The following CPPED1 variants were observed in gnomAD, a reference collection of about 807,000 sequenced individuals.
CPPED1 encodes serine/threonine-protein phosphatase CPPED1.
Under a neutral mutation model 28.0 loss-of-function variants are expected in CPPED1, and 28 were observed. That is an observed-to-expected ratio of 1.00 (90% CI 0.74 to 1.37). CPPED1 has a LOEUF of 1.37. Among genes scored for constraint, CPPED1 ranks in the 40% most tolerant of loss-of-function variants. The pLI, the probability that CPPED1 is intolerant of heterozygous loss-of-function variation, is 0.00. For missense variants in CPPED1, 504 were observed against 416.5 expected, an observed-to-expected ratio of 1.21 and a Z score of -1.83; for synonymous variants, 198 against 180.2, an observed-to-expected ratio of 1.10 and a Z score of -0.79.
At position 12,664,658 on chromosome 16, in the gene CPPED1, T is replaced by A. The variant is rs1210758326; in HGVS notation, c.*228A>T. 13 of 1,366,646 alleles carry A rather than the reference T, an allele frequency of 9.5e-6. No individual in the cohort carries two copies. The highest frequency in any genetic ancestry group is 1.2e-5 in the Non-Finnish European group (13 of 1,068,550). 84.7% of individuals were successfully genotyped at this position (1,366,646 alleles called of 1,614,324 possible). On this transcript the variant is annotated 3_prime_UTR_variant, in exon 4 of 4. Coordinates refer to ENST00000381774, the MANE Select transcript of CPPED1 (RefSeq NM_018340.3). This position sits in a 1 kb window ranked among gnomAD's most constrained non-coding sequence, Gnocchi z 4.2. Reference sequence around the variant, plus strand: ...ATCCATGCAGAGATAGTCTAATATTTTAAAAACTGATTTCCAGGATCATTC... The same window carrying A: ...ATCCATGCAGAGATAGTCTAATATTATAAAAACTGATTTCCAGGATCATTC...
chr16:12,755,726 C>A (rs1338220048), intron 2 of CPPED1, among the ~76,000 whole-genome samples: 3 of 152,210 alleles, frequency 2.0e-5, no homozygotes, highest in African/African-American at 7.2e-5. Flanking sequence ...TAGACACATT[C>A]AGCAAATTTA....
At chr16:12,780,634 A>C (rs1227660983) in intron 2 of CPPED1, among the ~76,000 whole-genome samples, 1 of 152,002 alleles carries the variant, frequency 6.6e-6, no homozygotes, top group Non-Finnish European at 1.5e-5. Flanking sequence ...TGATGGAGAG[A>C]CCAAGTCCTT....
intron 2 of CPPED1, among the ~76,000 whole-genome samples, chr16:12,711,230 G>A (rs2080078285): frequency 6.6e-6 from 1 of 152,184 alleles, no homozygotes. Context: ...AATAAGTCAT[G>A]CAGAAAAAAC....
intron 3 of CPPED1, among the ~76,000 whole-genome samples, chr16:12,688,487 C>T (rs1434120785): frequency 2.6e-5 from 4 of 151,882 alleles, no homozygotes; most frequent in Non-Finnish European, 5.9e-5. Context: ...TACAGGCAGC[C>T]GCCACCACAC....
In CPPED1 at chr16:12,770,783, T is replaced by C. The variant is rs547099404; in HGVS notation, c.289+10402A>G. On this transcript the variant is annotated intron_variant, in intron 2 of 3. Transcript: ENST00000381774. Reference sequence around the variant, plus strand: ...GTTGCAGTGAGCCGAGATCGCGCCATTGCACTCCAGCCTGGGTGACAGAGT... The same window carrying C: ...GTTGCAGTGAGCCGAGATCGCGCCACTGCACTCCAGCCTGGGTGACAGAGT... 1.1e-4 allele frequency among the ~76,000 whole-genome samples: 17 copies of C among 150,522 alleles called. No homozygotes were observed. The East Asian group carries it at 2.4e-3, about 21-fold the overall frequency.
chr16:12,723,799 T>G (rs1481502881), intron 2 of CPPED1, among the ~76,000 whole-genome samples: 3 of 152,148 alleles, frequency 2.0e-5, no homozygotes, highest in Admixed American at 2.0e-4. Context: ...TTCTGCCAGC[T>G]GCCATGGGAT....
chr16:12,765,057 A>C (rs2080431265), intron 2 of CPPED1, among the ~76,000 whole-genome samples: 1 of 152,258 alleles, frequency 6.6e-6, no homozygotes. Context: ...ACTGTGACCT[A>C]AGAAGTCTGG....
intron 3 of CPPED1, among the ~76,000 whole-genome samples, chr16:12,685,969 T>C (rs2079930632): frequency 6.6e-6 from 1 of 152,214 alleles, no homozygotes; most frequent in East Asian, 1.9e-4. Flanking sequence ...GAATGGGTCA[T>C]GACAGGGAGA....
rs539228630 is a variant in CPPED1 at position 12,780,265 on chromosome 16, C to T, written c.289+920G>A. Among the ~76,000 whole-genome samples, 42 of 152,106 alleles carry T rather than the reference C, an allele frequency of 2.8e-4. 1 individual carries two copies. The highest frequency in any genetic ancestry group is 5.8e-4 in the East Asian group (3 of 5,144). ...CACAATCTCAGCTCACTGCAACCTC[C>T]GCCTCCTGGGTTCAAGCAAGTTTCA... On this transcript the variant is annotated intron_variant, in intron 2 of 3. Transcript: ENST00000381774.
At chr16:12,796,188 A>G (rs1214615889) in intron 1 of CPPED1, among the ~76,000 whole-genome samples, 1 of 151,806 alleles carries the variant, frequency 6.6e-6, no homozygotes, top group Non-Finnish European at 1.5e-5. Flanking sequence ...AAGACAGCAA[A>G]GTCACAAGAA....
chr16:12,760,299 G>C (rs1374042095), intron 2 of CPPED1: 2 of 152,184 alleles, frequency 1.3e-5, no homozygotes, highest in Non-Finnish European at 2.9e-5. Flanking sequence ...ATCCTTGGGA[G>C]GGTCCTGGAA....
At chr16:12,721,384 C>G (rs2080139147) in intron 2 of CPPED1, among the ~76,000 whole-genome samples, 1 of 152,036 alleles carries the variant, frequency 6.6e-6, no homozygotes, top group African/African-American at 2.4e-5. Context: ...AATGGCAAAC[C>G]CAAGTGTTGA....
At chr16:12,702,849 T>C (rs1408872744) in intron 3 of CPPED1, among the ~76,000 whole-genome samples, 1 of 151,718 alleles carries the variant, frequency 6.6e-6, no homozygotes, top group Non-Finnish European at 1.5e-5. Flanking sequence ...CTGTCTCTAC[T>C]AAAAATACAA....
At chr16:12,683,858 C>T (rs1440047072) in intron 3 of CPPED1, among the ~76,000 whole-genome samples, 1 of 152,192 alleles carries the variant, frequency 6.6e-6, no homozygotes, top group African/African-American at 2.4e-5. Context: ...AGGAGGTGAG[C>T]AGTCCAGGGA....
chr16:12,749,722 G>A (rs938384330), intron 2 of CPPED1, among the ~76,000 whole-genome samples: 4 of 152,116 alleles, frequency 2.6e-5, no homozygotes, highest in African/African-American at 9.7e-5. Flanking sequence ...CAAGTAGCTT[G>A]AATTACAGGC....
intron 2 of CPPED1, among the ~76,000 whole-genome samples, chr16:12,730,128 C>T (rs1279903220): frequency 7.2e-5 from 11 of 152,138 alleles, no homozygotes. Flanking sequence ...TCCCGAGTTG[C>T]TGGGATTACA....
At chr16:12,723,131 T>G (rs882909) in intron 2 of CPPED1, among the ~76,000 whole-genome samples, 111,212 of 152,008 alleles carry the variant, frequency 0.73, 40,785 homozygotes, top group Admixed American at 0.8. Flanking sequence ...ACACCGCACA[T>G]GCACACGCAT....
intron 3 of CPPED1, among the ~76,000 whole-genome samples, chr16:12,676,501 G>C (rs2079878385): frequency 6.6e-6 from 1 of 152,160 alleles, no homozygotes. Context: ...TTGCAGATGA[G>C]GGAATGAGGC....
chr16:12,715,152 T>A (rs1341173850), intron 2 of CPPED1, among the ~76,000 whole-genome samples: 1 of 152,206 alleles, frequency 6.6e-6, no homozygotes, highest in Non-Finnish European at 1.5e-5. Context: ...TTAATCTCTA[T>A]GTTTATCTTC....
Sources: allele counts gnomAD v4.1 joint callset (sites outside exome capture counted in the v4.1 genomes callset), GRCh38; gene constraint gnomAD v4.1.1; non-coding constraint Gnocchi (gnomAD v3.1); transcripts MANE v1.5; gene names NCBI Gene and HGNC (gene_info 2026-07-23, HGNC 2026-07-21).